The following PPP1R12A variants were observed in gnomAD, a reference collection of about 807,000 sequenced individuals.
The protein encoded by PPP1R12A is protein phosphatase 1 regulatory subunit 12A, also known as myosin binding subunit.
PPP1R12A carries 19 observed loss-of-function variants against 139.6 expected under a neutral mutation model. The ratio of observed to expected loss-of-function variants is 0.14; its 90% CI spans 0.09 to 0.20. The LOEUF is 0.20. Among genes scored for constraint, PPP1R12A ranks in the 10% least tolerant of loss-of-function variants. PPP1R12A has a pLI of 1.00. For missense variants in PPP1R12A, 925 were observed against 1,211.5 expected, an observed-to-expected ratio of 0.76 and a Z score of 3.51; for synonymous variants, 427 against 420.6, an observed-to-expected ratio of 1.02 and a Z score of -0.19.
chr12:79,836,425 G>T (rs1878090307), intron 3 of PPP1R12A, among the ~76,000 whole-genome samples: 1 of 151,148 alleles, frequency 6.6e-6, no homozygotes, highest in Admixed American at 6.6e-5. Context: ...TTACTATTCT[G>T]TTTCCTTTGA....
chr12:79,837,751 C>T (rs779824333), intron 3 of PPP1R12A, among the ~76,000 whole-genome samples: 15 of 152,126 alleles, frequency 9.9e-5, no homozygotes, highest in African/African-American at 1.7e-4. Context: ...TCTCTCCAGC[C>T]GCCATGTGAA....
At chr12:79,857,342 A>C (rs1880788699) in intron 2 of PPP1R12A, among the ~76,000 whole-genome samples, 1 of 151,716 alleles carries the variant, frequency 6.6e-6, no homozygotes, top group African/African-American at 2.4e-5. Context: ...ACAAAAAACC[A>C]AACACCACAT....
chr12:79,824,642 C>T (rs959989072), intron 5 of PPP1R12A, among the ~76,000 whole-genome samples: 2 of 152,152 alleles, frequency 1.3e-5, no homozygotes, highest in Non-Finnish European at 2.9e-5. Flanking sequence ...TAAACATGCT[C>T]TTTAAACAAT....
chr12:79,841,025 A>C (rs985128583), intron 3 of PPP1R12A, among the ~76,000 whole-genome samples: 1 of 149,934 alleles, frequency 6.7e-6, no homozygotes, highest in Admixed American at 6.7e-5. Flanking sequence ...CACATATGCT[A>C]TGTATGTCTC....
At chr12:79,887,036 T>G (rs1351065997) in intron 1 of PPP1R12A, among the ~76,000 whole-genome samples, 1 of 152,174 alleles carries the variant, frequency 6.6e-6, no homozygotes, top group Non-Finnish European at 1.5e-5. Flanking sequence ...TCATGAATAA[T>G]TTTTACTGAC....
At chr12:79,870,567 T>C (rs1412317773) in intron 2 of PPP1R12A, among the ~76,000 whole-genome samples, 1 of 152,220 alleles carries the variant, frequency 6.6e-6, no homozygotes, top group Non-Finnish European at 1.5e-5. Flanking sequence ...AAGGAAAACT[T>C]ATTCTTCTAA....
intron 9 of PPP1R12A, among the ~76,000 whole-genome samples, chr12:79,812,999 A>G (rs1326778112): frequency 6.6e-6 from 1 of 152,142 alleles, no homozygotes; most frequent in Non-Finnish European, 1.5e-5. Context: ...CCTTTTCTCA[A>G]TAAGCCTCTC....
chr12:79,779,656 A>T (rs576668516), intron 23 of PPP1R12A: 24 of 282,778 alleles, frequency 8.5e-5, no homozygotes, highest in African/African-American at 5.2e-4. Flanking sequence ...AAATCATCAC[A>T]CTTCTCAAAA....
At position 79,832,660 on chromosome 12, in the gene PPP1R12A, T is replaced by G. The variant is rs111473890; in HGVS notation, c.488-169A>C. The G allele has an allele frequency of 1.8e-3, 920 of 523,610 alleles. 2 individuals are homozygous for G. Among genetic ancestry groups the G allele is most frequent in the Non-Finnish European group, 2.6e-3 (820 of 318,972 alleles). 32.4% of individuals were successfully genotyped at this position (523,610 alleles called of 1,614,324 possible). ...GTTAAACTAAAAAATGTGGGGATAT[T>G]GTAGACCTTGTATTAACTTTTTCTA... On this transcript the variant is annotated intron_variant, in intron 3 of 24. Coordinates refer to ENST00000450142, the MANE Select transcript of PPP1R12A (RefSeq NM_002480.3).
intron 1 of PPP1R12A, among the ~76,000 whole-genome samples, chr12:79,900,314 T>G (rs1250703422): frequency 5.3e-5 from 8 of 152,206 alleles, no homozygotes; most frequent in Non-Finnish European, 1.0e-4. Flanking sequence ...TGATGTCATA[T>G]CTACACACAT....
intron 1 of PPP1R12A, among the ~76,000 whole-genome samples, chr12:79,918,445 G>A (rs1480216932): frequency 6.6e-6 from 1 of 151,858 alleles, no homozygotes; most frequent in African/African-American, 2.4e-5. Context: ...GTATCATTCT[G>A]CAATATCAAT....
chr12:79,800,522 A>G (rs956938128), intron 14 of PPP1R12A, among the ~76,000 whole-genome samples: 4 of 151,932 alleles, frequency 2.6e-5, no homozygotes, highest in African/African-American at 2.4e-5. Flanking sequence ...CTGGCAGTCA[A>G]TGGTAGGCTA....
At chr12:79,928,912 T>A (rs1888046545) in intron 1 of PPP1R12A, among the ~76,000 whole-genome samples, 1 of 152,222 alleles carries the variant, frequency 6.6e-6, no homozygotes, top group East Asian at 1.9e-4. Flanking sequence ...AACCTATCTG[T>A]AAGTCTGTCT....
At chr12:79,855,062 C>T (rs1459056527) in intron 2 of PPP1R12A, among the ~76,000 whole-genome samples, 4 of 152,094 alleles carry the variant, frequency 2.6e-5, no homozygotes, top group African/African-American at 9.7e-5. Flanking sequence ...TATCTCCGCT[C>T]ACTGTAAGCT....
At chr12:79,927,396 C>T (rs371331717) in intron 1 of PPP1R12A, among the ~76,000 whole-genome samples, 40 of 152,166 alleles carry the variant, frequency 2.6e-4, no homozygotes, top group African/African-American at 9.2e-4. Flanking sequence ...AGGACAATTT[C>T]GAATTCTGAG....
Position 79,934,947 on chromosome 12 carries a change from C to G in PPP1R12A, c.-16G>C. 2 of 1,570,732 alleles carry G rather than the reference C, an allele frequency of 1.3e-6. No homozygotes were observed. Among genetic ancestry groups the G allele is most frequent in the Non-Finnish European group, 1.7e-6 (2 of 1,156,120 alleles). ...CCATCTTCATCCCCTCTCCTGCCGC[C>G]GGGTCTTCTTATCGCGAGGGGGGGA... On this transcript the variant is annotated 5_prime_UTR_variant, in exon 1 of 25. Transcript: ENST00000450142.
chr12:79,790,396 T>A (rs1480445006), intron 20 of PPP1R12A, 71 bp downstream of exon 20: 2 of 1,066,384 alleles, frequency 1.9e-6, no homozygotes. Flanking sequence ...ATCCATAAAT[T>A]CCTAGCAACA....
intron 1 of PPP1R12A, among the ~76,000 whole-genome samples, chr12:79,875,324 C>G (rs1488348861): frequency 3.9e-5 from 6 of 152,190 alleles, no homozygotes; most frequent in Non-Finnish European, 7.3e-5. Context: ...AATGTAAAGT[C>G]TGTGCCATGT....
At chr12:79,916,281 C>T (rs1786371727) in intron 1 of PPP1R12A, among the ~76,000 whole-genome samples, 1 of 152,120 alleles carries the variant, frequency 6.6e-6, no homozygotes, top group Non-Finnish European at 1.5e-5. Flanking sequence ...TTTTAAAAGT[C>T]CTCTTTTCAC....
Sources: gnomAD v4.1 joint callset for allele counts (sites outside exome capture counted in the v4.1 genomes callset) on GRCh38, gnomAD v4.1.1 for gene constraint, MANE v1.5 for transcripts, NCBI Gene and HGNC (gene_info 2026-07-23, HGNC 2026-07-21) for gene names.